The following ATXN1 variants were observed in gnomAD, a reference collection of about 807,000 sequenced individuals.
The protein encoded by ATXN1 is ataxin 1.
A neutral mutation model predicts 56.4 loss-of-function variants in ATXN1; 8 were observed. The observed-to-expected ratio is 0.14, with a 90% CI of 0.08 to 0.26. The LOEUF (loss-of-function observed/expected upper bound fraction) is 0.26. ATXN1 is among the 10% of genes least tolerant of loss of function. ATXN1 has a pLI of 1.00. For missense variants in ATXN1, 987 were observed against 1,106.5 expected (o/e 0.89, Z 1.53); for synonymous variants, 514 against 494.6 (o/e 1.04, Z -0.52).
intron 3 of ATXN1, chr6:16,615,631 G>C (rs1254560029): frequency 6.6e-6 from 1 of 150,542 alleles, no homozygotes; most frequent in Non-Finnish European, 1.5e-5. Context: ...ATATTCTGTG[G>C]GAAAGAGGGT....
At chr6:16,497,335 C>T (rs1219841459) in intron 5 of ATXN1, among the ~76,000 whole-genome samples, 3 of 151,854 alleles carry the variant, frequency 2.0e-5, no homozygotes, top group Non-Finnish European at 4.4e-5. Context: ...AAAAAAGATT[C>T]CCATTCCTGC....
chr6:16,365,790 T>C (rs1400698267), intron 6 of ATXN1, among the ~76,000 whole-genome samples: 1 of 152,172 alleles, frequency 6.6e-6, no homozygotes, highest in East Asian at 1.9e-4. Context: ...TTTTAAAAAA[T>C]TACCTTTTCC....
intron 3 of ATXN1, among the ~76,000 whole-genome samples, chr6:16,648,698 A>ATGAAATGC (rs1763843717): frequency 6.6e-6 from 1 of 152,262 alleles, no homozygotes; most frequent in African/African-American, 2.4e-5. Flanking sequence ...ATCAACTTAC[A>ATGAAATGC]TGAAATGCTA....
At chr6:16,721,446 G>C (rs571545999) in intron 2 of ATXN1, among the ~76,000 whole-genome samples, 3 of 152,234 alleles carry the variant, frequency 2.0e-5, no homozygotes, top group East Asian at 3.9e-4. Flanking sequence ...GGGCAACATA[G>C]TGAGACCTCG....
chr6:16,412,997 T>C (rs1164759555), intron 6 of ATXN1, among the ~76,000 whole-genome samples: 1 of 152,192 alleles, frequency 6.6e-6, no homozygotes, highest in Non-Finnish European at 1.5e-5. Context: ...AGTTTTCTAG[T>C]GTTAGGGTGA....
chr6:16,670,475 T>C (rs1758518440), intron 2 of ATXN1, among the ~76,000 whole-genome samples: 1 of 152,332 alleles, frequency 6.6e-6, no homozygotes, highest in African/African-American at 2.4e-5. Flanking sequence ...TCTTCCTCTG[T>C]GCTATCAACA....
chr6:16,472,818 C>T (rs1339552650), intron 6 of ATXN1, among the ~76,000 whole-genome samples: 1 of 152,164 alleles, frequency 6.6e-6, no homozygotes, highest in Non-Finnish European at 1.5e-5. Flanking sequence ...GGGTCTAAAC[C>T]ACCACCCCTA....
intron 6 of ATXN1, among the ~76,000 whole-genome samples, chr6:16,409,354 TAAAA>T (rs1247857402): frequency 6.6e-6 from 1 of 151,824 alleles, no homozygotes; most frequent in East Asian, 1.9e-4. Flanking sequence ...TAAGTCTAAT[TAAAA>T]ATTTGACTTG....
intron 6 of ATXN1, among the ~76,000 whole-genome samples, chr6:16,359,070 G>A (rs1469664864): frequency 1.3e-5 from 2 of 152,388 alleles, no homozygotes; most frequent in South Asian, 2.1e-4. Flanking sequence ...ATGCTCAGAT[G>A]TGTCTGCGCC....
At chr6:16,746,392 C>T (rs574216094) in intron 2 of ATXN1, among the ~76,000 whole-genome samples, 1 of 152,168 alleles carries the variant, frequency 6.6e-6, no homozygotes, top group African/African-American at 2.4e-5. Flanking sequence ...GGAAAGTTGA[C>T]GCAGAAGAGA....
chr6:16,323,551 AAAAATAG>A (rs1471593305), intron 7 of ATXN1, among the ~76,000 whole-genome samples: 9 of 151,192 alleles, frequency 6.0e-5, no homozygotes, highest in African/African-American at 2.2e-4. Flanking sequence ...AAAAAAAAAA[AAAAATAG>A]AAGAGTCTGG....
chr6:16,499,275 T>C (rs970568692), intron 5 of ATXN1, among the ~76,000 whole-genome samples: 1 of 152,188 alleles, frequency 6.6e-6, no homozygotes, highest in Admixed American at 6.5e-5. Context: ...GTAAGAGAGA[T>C]TTTGAGTATG....
At chr6:16,717,137 T>C (rs1254619563) in intron 2 of ATXN1, among the ~76,000 whole-genome samples, 2 of 152,238 alleles carry the variant, frequency 1.3e-5, no homozygotes, top group South Asian at 2.1e-4. Flanking sequence ...TGATGAAATA[T>C]AGTCATGAAT....
intron 6 of ATXN1, among the ~76,000 whole-genome samples, chr6:16,474,213 TC>T (rs1459210857): frequency 1.3e-5 from 2 of 152,212 alleles, no homozygotes; most frequent in Non-Finnish European, 2.9e-5. Flanking sequence ...AGTTTCCCCA[TC>T]CTTTGAACTG....
chr6:16,338,407 C>A (rs140522754), intron 6 of ATXN1, among the ~76,000 whole-genome samples: 1 of 152,148 alleles, frequency 6.6e-6, no homozygotes, highest in Non-Finnish European at 1.5e-5. Flanking sequence ...GCAGGAGAAT[C>A]GCTTGAACCC....
At chr6:16,700,223 G>A (rs575731931) in intron 2 of ATXN1, among the ~76,000 whole-genome samples, 78 of 152,148 alleles carry the variant, frequency 5.1e-4, no homozygotes, top group Non-Finnish European at 8.8e-4. Flanking sequence ...GGTCAAACTG[G>A]CGATCTGGAC....
chr6:16,448,937 G>C (rs934285090), intron 6 of ATXN1, among the ~76,000 whole-genome samples: 1 of 152,152 alleles, frequency 6.6e-6, no homozygotes, highest in Admixed American at 6.5e-5. Flanking sequence ...GTTGTTGTGA[G>C]GGTTAAAGGG....
intron 2 of ATXN1, among the ~76,000 whole-genome samples, chr6:16,748,069 A>G (rs764514647): frequency 2.0e-5 from 3 of 152,222 alleles, no homozygotes; most frequent in Non-Finnish European, 2.9e-5. Flanking sequence ...TTGATGCTGA[A>G]TAACATTTGG....
intron 1 of ATXN1, chr6:16,761,034 C>T (rs2113557576): frequency 5.6e-6 from 1 of 177,800 alleles, no homozygotes; most frequent in Admixed American, 6.1e-5. Flanking sequence ...GCCCGGGAGC[C>T]TGGAGCCGGG....
Sources: gnomAD v4.1 joint callset for allele counts (sites outside exome capture counted in the v4.1 genomes callset) on GRCh38, gnomAD v4.1.1 for gene constraint, MANE v1.5 for transcripts, NCBI Gene and HGNC (gene_info 2026-07-23, HGNC 2026-07-21) for gene names.